The following HERC2 variants were observed in gnomAD, a reference collection of about 807,000 sequenced individuals.
HERC2 encodes E3 ubiquitin-protein ligase HERC2.
Under a neutral mutation model 537.7 loss-of-function variants are expected in HERC2, and 102 were observed. The ratio of observed to expected loss-of-function variants is 0.19; its 90% CI spans 0.16 to 0.22. The LOEUF (loss-of-function observed/expected upper bound fraction) is 0.22. Ranked by LOEUF, HERC2 falls within the 10% of genes least tolerant of loss-of-function variation. The probability of loss-of-function intolerance (pLI) is 1.00; values close to 1 mark genes in which losing one functional copy is unlikely to be tolerated. For synonymous variants in HERC2, 2,224 were observed against 2,466.2 expected (o/e 0.90, Z 2.91); for missense variants, 4,236 against 6,198.2 (o/e 0.68, Z 10.63).
intron 55 of HERC2, among the ~76,000 whole-genome samples, chr15:28,187,870 G>C (rs980294379): frequency 4.6e-5 from 7 of 152,124 alleles, no homozygotes; most frequent in African/African-American, 1.4e-4. Context: ...CACCCCATGT[G>C]GCCGACTGCA....
chr15:28,224,880 C>G (rs1427397334), intron 35 of HERC2, among the ~76,000 whole-genome samples: 2 of 152,128 alleles, frequency 1.3e-5, no homozygotes, highest in African/African-American at 4.8e-5. Flanking sequence ...AATTAAACAA[C>G]ACACAGTAAA....
At position 28,130,581 on chromosome 15, in the gene HERC2, G is replaced by A. The variant is rs1202700809; in HGVS notation, c.12584C>T (p.Thr4195Ile). 3.1e-6 allele frequency: 5 copies of A among 1,613,240 alleles called. No homozygotes were observed. The African/African-American group carries it at 4.0e-5, about 13-fold the overall frequency. ...CKVPMKIDSL[T>I]GLGVVKVECG... is the part of the protein sequence containing the mutation. ...TTCCACTTTAACTACTCCAAGACCA[G>A]TAAGAGAATCAATCTAGAGGGGGAA... The change falls in exon 82 of 93, where the codon ACT becomes ATT. Residue 4195 changes from threonine (T) to isoleucine (I), a missense_variant. Around this residue, in one of 27 missense-constraint regions of HERC2, gnomAD observed 38 missense variants for 36.7 expected, o/e 1.04. Coordinates refer to ENST00000261609, the MANE Select transcript of HERC2 (RefSeq NM_004667.6).
intron 4 of HERC2, 121 bp downstream of exon 4, chr15:28,292,763 ATATT>A: frequency 2.0e-6 from 2 of 985,402 alleles, no homozygotes; most frequent in Non-Finnish European, 3.0e-6. Flanking sequence ...TTTTACCACA[ATATT>A]TAAATTTTTT....
chr15:28,251,245 C>T (rs1360526179), intron 20 of HERC2, among the ~76,000 whole-genome samples: 1 of 151,766 alleles, frequency 6.6e-6, no homozygotes, highest in Non-Finnish European at 1.5e-5. Flanking sequence ...GAGTTCAAGA[C>T]CACCCCAGCC....
At chr15:28,305,243 G>A (rs1727194275) in intron 2 of HERC2, among the ~76,000 whole-genome samples, 1 of 151,508 alleles carries the variant, frequency 6.6e-6, no homozygotes, top group African/African-American at 2.4e-5. Context: ...TAATGGGATG[G>A]CTGGGTCAAA....
At chr15:28,112,140 G>T in intron 92 of HERC2, 105 bp from the exon 93 acceptor site, 2 of 1,100,170 alleles carry the variant, frequency 1.8e-6, no homozygotes, top group Non-Finnish European at 2.6e-6. Context: ...TTTTTGCTAA[G>T]AACAAAACAG....
At chr15:28,294,151 T>C (rs965665287) in intron 3 of HERC2, among the ~76,000 whole-genome samples, 3 of 152,328 alleles carry the variant, frequency 2.0e-5, no homozygotes, top group South Asian at 2.1e-4. Context: ...CTCTGCGACA[T>C]CCAGCTGTGT....
Position 28,125,088 on chromosome 15 carries a change from A to G in HERC2, c.12908T>C (p.Val4303Ala). 6.2e-7 allele frequency: 1 copy of G among 1,614,020 alleles called. No individual in the cohort carries two copies. The highest frequency in any genetic ancestry group is 1.3e-5 in the African/African-American group (1 of 75,038). Residue 4303 changes from valine (V) to alanine (A), a missense_variant, in exon 84 of 93, where the codon GTC (valine) becomes GCC (alanine). Val to Ala is a moderately conservative substitution (Grantham distance 64, BLOSUM62 0). This residue lies in a region of HERC2 where 189 missense variants were observed against 255.7 expected (regional missense o/e 0.74). Transcript: ENST00000261609. ...RLVAALQGKK[V>A]NRVACGSAHT... ...TGCTGAGCCACAGGCCACACGGTTG[A>G]CCTTCTTACCCTGAAGGGCAGCTAC...
At chr15:28,217,011 C>G (rs1899985321) in intron 38 of HERC2, among the ~76,000 whole-genome samples, 1 of 152,140 alleles carries the variant, frequency 6.6e-6, no homozygotes, top group Non-Finnish European at 1.5e-5. Flanking sequence ...CTCACATTCA[C>G]TCACACGCAT....
chr15:28,111,913 G>T lies in HERC2; in HGVS notation c.14355C>A (p.Ile4785=), dbSNP rs1168592345. The change falls in exon 93 of 93, where the codon ATC becomes ATA. Residue 4785 remains isoleucine, a synonymous_variant. Coordinates refer to ENST00000261609, the MANE Select transcript of HERC2 (RefSeq NM_004667.6). The part of the protein sequence containing the change: ...QVLEEKLKYA[I]HFCKSIDTDD... ...CTGTGTCTATGGACTTGCAGAAGTG[G>T]ATGGCGTACTTGAGCTTCTCCTCCA... The T allele has an allele frequency of 6.2e-7, 1 of 1,614,210 alleles. No individual in the cohort carries two copies. The highest frequency in any genetic ancestry group is 8.5e-7 in the Non-Finnish European group (1 of 1,180,052).
rs924470450 is a variant in HERC2, at chr15:28,263,132, T to C, written c.1908A>G (p.Lys636=). The C allele has an allele frequency of 6.2e-7, 1 of 1,613,654 alleles. No homozygotes were observed. Among genetic ancestry groups the C allele is most frequent in the Non-Finnish European group, 8.5e-7 (1 of 1,179,544 alleles). The part of the protein sequence containing the change: ...VWSWGDGDYG[K]LGRGGSDGCK... ...AGCCATCACTACCACCTCTGCCCAA[T>C]TTCCCATAGTCACCATCTCCCCAAG... is the stretch of plus-strand genomic sequence containing the variant. Residue 636 remains lysine (K), a synonymous_variant, in exon 15 of 93, where the codon AAA becomes AAG. Coordinates refer to ENST00000261609, the MANE Select transcript of HERC2 (RefSeq NM_004667.6).
At chr15:28,146,168 A>G in intron 71 of HERC2, 69 bp downstream of exon 71, 1 of 1,049,130 alleles carries the variant, frequency 9.5e-7, no homozygotes, top group Non-Finnish European at 1.5e-6. Flanking sequence ...CTGTCCTACA[A>G]ATGTGAAGGG....
intron 23 of HERC2, among the ~76,000 whole-genome samples, chr15:28,242,354 T>A (rs1475535141): frequency 6.6e-6 from 1 of 152,198 alleles, no homozygotes; most frequent in Non-Finnish European, 1.5e-5. Flanking sequence ...TCCTACTCAC[T>A]CTACAAGATT....
intron 11 of HERC2, 66 bp downstream of exon 11, chr15:28,269,182 G>T: frequency 1.6e-6 from 2 of 1,283,278 alleles, no homozygotes; most frequent in Non-Finnish European, 2.2e-6. Flanking sequence ...ACCAGAGCTT[G>T]TGCATCTGTA....
At chr15:28,182,633 T>C in intron 56 of HERC2, 121 bp from the exon 57 acceptor site, 1 of 781,226 alleles carries the variant, frequency 1.3e-6, no homozygotes, top group East Asian at 2.7e-5. Flanking sequence ...TCAGAAACTC[T>C]TAAAATTTTG....
intron 79 of HERC2, among the ~76,000 whole-genome samples, chr15:28,134,987 T>C (rs1304568536): frequency 6.6e-6 from 1 of 152,188 alleles, no homozygotes; most frequent in African/African-American, 2.4e-5. Context: ...TAATATATTT[T>C]ATATGGTGGT....
intron 10 of HERC2, 73 bp downstream of exon 10, chr15:28,270,622 C>T (rs780030555): frequency 6.9e-6 from 10 of 1,448,828 alleles, no homozygotes; most frequent in Middle Eastern, 1.8e-4. Flanking sequence ...AGTCTCCACA[C>T]GGGCCCAGGA....
intron 21 of HERC2, 52 bp from the exon 22 acceptor site, chr15:28,246,949 T>C: frequency 6.8e-7 from 1 of 1,480,866 alleles, no homozygotes; most frequent in Admixed American, 1.9e-5. Flanking sequence ...TTTTTCTTTG[T>C]AAACAAACTA....
In HERC2 at chr15:28,229,757, G is replaced by A. The variant is rs747197073; in HGVS notation, c.4900C>T (p.Pro1634Ser). 6.5e-7 allele frequency: 1 copy of A among 1,539,696 alleles called. No individual in the cohort carries two copies. The highest frequency in any genetic ancestry group is 2.2e-5 in the East Asian group (1 of 44,542). Reference sequence around the variant, plus strand: ...AATTCAGCAATTGTACTGAGGAGTGGAGACTGCGGATAAAGACCCTGCACA... The same window carrying A: ...AATTCAGCAATTGTACTGAGGAGTGAAGACTGCGGATAAAGACCCTGCACA... ...QNVQGLYPQS[P>S]LLSTIAEFAL... Residue 1634 changes from proline to serine, a missense_variant, in exon 32 of 93, where the codon CCA becomes TCA. Pro to Ser is a moderately conservative substitution (Grantham distance 74). Transcript: ENST00000261609.
Sources: gnomAD v4.1 joint callset for allele counts (sites outside exome capture counted in the v4.1 genomes callset) on GRCh38, gnomAD v4.1.1 for gene constraint, gnomAD v4.1.1 regional missense constraint, MANE v1.5 for transcripts, NCBI Gene and HGNC (gene_info 2026-07-23, HGNC 2026-07-21) for gene names.